Variants in GALNT18 observed in about 807,000 individuals in gnomAD.
The protein encoded by GALNT18 is GalNAc-transferase 18.
In GALNT18, 44 loss-of-function variants were observed where a neutral mutation model predicts 69.5. The observed-to-expected ratio is 0.63, with a 90% CI of 0.50 to 0.81. The LOEUF is 0.81. GALNT18 is among the 40% of genes least tolerant of loss of function. The probability of loss-of-function intolerance (pLI) is 0.00; values close to 1 mark genes in which losing one functional copy is unlikely to be tolerated. For synonymous variants in GALNT18, 364 were observed against 318.2 expected, an observed-to-expected ratio of 1.14 and a Z score of -1.53; for missense variants, 715 against 810.0, an observed-to-expected ratio of 0.88 and a Z score of 1.42.
chr11:11,307,459 G>C (rs934232111), intron 9 of GALNT18, among the ~76,000 whole-genome samples: 23 of 152,128 alleles, frequency 1.5e-4, no homozygotes, highest in African/African-American at 5.3e-4. Context: ...TCCATTTTTA[G>C]ATGAGAAAAA....
rs1223342144 is a variant in GALNT18, at chr11:11,621,427, T to C, written c.167A>G (p.Lys56Arg). 4 of 1,614,024 alleles carry C rather than the reference T, an allele frequency of 2.5e-6. No individual in the cohort carries two copies. The East Asian group carries it at 6.7e-5, about 27-fold the overall frequency. ...PAPDKKLEED[K>R]GDTLKIIERL... ...CTCAATAATCTTCAGAGTGTCCCCT[T>C]TGTCTTCCTCCAGCTTCTTGTCGGG... The change falls in exon 1 of 11, where the codon AAA becomes AGA. Residue 56 changes from lysine (K) to arginine (R), a missense_variant. Physicochemically the swap from Lys to Arg is conservative, Grantham distance 26. Transcript: ENST00000227756. The surrounding 1 kb of genome is among the most constrained non-coding windows in gnomAD (Gnocchi z 9.3).
intron 1 of GALNT18, among the ~76,000 whole-genome samples, chr11:11,566,034 G>A (rs1270115245): frequency 2.0e-5 from 3 of 152,198 alleles, no homozygotes; most frequent in Non-Finnish European, 2.9e-5. Flanking sequence ...GATGGAGCAT[G>A]CAGAACATAG....
intron 1 of GALNT18, among the ~76,000 whole-genome samples, chr11:11,530,931 A>G (rs939784675): frequency 6.6e-6 from 1 of 152,212 alleles, no homozygotes; most frequent in African/African-American, 2.4e-5. Flanking sequence ...AGAGTCTACC[A>G]GAGCCTCTGG....
Position 11,383,155 on chromosome 11 carries a change from C to G in GALNT18, c.596-3891G>C, listed in dbSNP as rs985432403. On this transcript the variant is annotated intron_variant, in intron 3 of 10. Coordinates refer to ENST00000227756, the MANE Select transcript of GALNT18 (RefSeq NM_198516.3). This position sits in a 1 kb window ranked among gnomAD's most constrained non-coding sequence, Gnocchi z 5.2. ...TCACAGGCCACTCTCCACATCCCCA[C>G]GGGGAGCCTCCTCTCCGGGCCTGCT... is the stretch of plus-strand genomic sequence containing the variant. Among the ~76,000 whole-genome samples the G allele has an allele frequency of 6.6e-6, 1 of 152,150 alleles. No individual in the cohort carries two copies. The highest frequency in any genetic ancestry group is 1.5e-5 in the Non-Finnish European group (1 of 68,022).
At chr11:11,575,948 A>G (rs534379858) in intron 1 of GALNT18, among the ~76,000 whole-genome samples, 2 of 152,340 alleles carry the variant, frequency 1.3e-5, no homozygotes, top group African/African-American at 2.4e-5. Context: ...AATAGTCACA[A>G]TCTCACTGCT....
intron 1 of GALNT18, among the ~76,000 whole-genome samples, chr11:11,558,303 G>C (rs1234272867): frequency 6.6e-6 from 1 of 152,176 alleles, no homozygotes; most frequent in East Asian, 1.9e-4. Context: ...TCTTGCAATA[G>C]AGAAAAGGCA....
Position 11,470,442 on chromosome 11 carries a change from C to G in GALNT18, c.236-21506G>C, listed in dbSNP as rs763163886. Among the ~76,000 whole-genome samples the G allele has an allele frequency of 1.3e-5, 2 of 152,176 alleles. No homozygotes were observed. The highest frequency in any genetic ancestry group is 2.4e-5 in the African/African-American group (1 of 41,438). ...ATCCTTCTCCATTTATCTCACTTTC[C>G]CTCTGTCATCAGTGTGTGAGGAAGG... On this transcript the variant is annotated intron_variant, in intron 1 of 10. Coordinates refer to ENST00000227756, the MANE Select transcript of GALNT18 (RefSeq NM_198516.3). This position sits in a 1 kb window ranked among gnomAD's most constrained non-coding sequence, Gnocchi z 4.8.
rs1247805476 is a variant in GALNT18, at chr11:11,339,129, G to A, written c.1278+1690C>T. Among the ~76,000 whole-genome samples, 1 of 152,080 alleles carries A rather than the reference G, an allele frequency of 6.6e-6. No homozygotes were observed. The highest frequency in any genetic ancestry group is 2.4e-5 in the African/African-American group (1 of 41,392). On this transcript the variant is annotated intron_variant, in intron 7 of 10. Transcript: ENST00000227756. The surrounding 1 kb of genome is among the most constrained non-coding windows in gnomAD (Gnocchi z 5.2). ...GAAGGAGAGGACATTTGGACACAGG[G>A]AACAGGAGAGGAAAGAGAATTATTT...
intron 5 of GALNT18, among the ~76,000 whole-genome samples, chr11:11,375,716 T>G (rs537130200): frequency 2.0e-5 from 3 of 152,176 alleles, no homozygotes; most frequent in Non-Finnish European, 4.4e-5. Flanking sequence ...GCGATGATGA[T>G]CAAATGAGCC....
Position 11,595,037 on chromosome 11 carries a change from T to C in GALNT18, c.235+26322A>G, listed in dbSNP as rs1859467314. Among the ~76,000 whole-genome samples, 1 of 150,946 alleles carries C rather than the reference T, an allele frequency of 6.6e-6. No individual in the cohort carries two copies. The highest frequency in any genetic ancestry group is 1.5e-5 in the Non-Finnish European group (1 of 67,864). On this transcript the variant is annotated intron_variant, in intron 1 of 10. Coordinates refer to ENST00000227756, the MANE Select transcript of GALNT18 (RefSeq NM_198516.3). The surrounding 1 kb of genome is among the most constrained non-coding windows in gnomAD (Gnocchi z 5.2). ...TATAAAATCTCCAAGAATGAATATA[T>C]ACATATATATTCATTCCTAGAATTG...
At position 11,583,967 on chromosome 11, in the gene GALNT18, C is replaced by T. The variant is rs1385335015; in HGVS notation, c.235+37392G>A. ...CAAGATGAAAGCACAAGGTCACACTCAATGAAATAGAGATGAACTGAATTC... is the reference window on the plus strand; with the variant it reads ...CAAGATGAAAGCACAAGGTCACACTTAATGAAATAGAGATGAACTGAATTC... On this transcript the variant is annotated intron_variant, in intron 1 of 10. Transcript: ENST00000227756. This position sits in a 1 kb window ranked among gnomAD's most constrained non-coding sequence, Gnocchi z 4.7. 6.6e-6 allele frequency among the ~76,000 whole-genome samples: 1 copy of T among 151,988 alleles called. No individual in the cohort carries two copies. Among genetic ancestry groups the T allele is most frequent in the Non-Finnish European group, 1.5e-5 (1 of 67,986 alleles).
rs140501808 is a variant in GALNT18, at chr11:11,554,404, T to C, written c.235+66955A>G. 3.5e-3 allele frequency among the ~76,000 whole-genome samples: 523 copies of C among 150,984 alleles called. 3 individuals carry two copies. The highest frequency in any genetic ancestry group is 6.1e-3 in the Non-Finnish European group (412 of 67,840). On this transcript the variant is annotated intron_variant, in intron 1 of 10. Coordinates refer to ENST00000227756, the MANE Select transcript of GALNT18 (RefSeq NM_198516.3). Reference sequence around the variant, plus strand: ...CAGGTAGCCTCAGGGACACCTGTAATCTGTCTCCAGCATGTCTTTCAGCAT... The same window carrying C: ...CAGGTAGCCTCAGGGACACCTGTAACCTGTCTCCAGCATGTCTTTCAGCAT...
intron 3 of GALNT18, among the ~76,000 whole-genome samples, chr11:11,409,504 T>G (rs1281979340): frequency 6.6e-6 from 1 of 152,136 alleles, no homozygotes; most frequent in East Asian, 1.9e-4. Flanking sequence ...AGCCTTCCTG[T>G]GCTCAGCCAG....
intron 1 of GALNT18, among the ~76,000 whole-genome samples, chr11:11,453,716 G>C (rs1855859352): frequency 6.6e-6 from 1 of 152,100 alleles, no homozygotes; most frequent in Non-Finnish European, 1.5e-5. Context: ...TTTTATAAAG[G>C]GGAGCTTCCC....
At position 11,617,357 on chromosome 11, in the gene GALNT18, C is replaced by T. The variant is rs144975750; in HGVS notation, c.235+4002G>A. 1.6e-3 allele frequency among the ~76,000 whole-genome samples: 244 copies of T among 152,330 alleles called. 1 individual carries two copies. Among genetic ancestry groups the T allele is most frequent in the African/African-American group, 5.7e-3 (237 of 41,580 alleles). ...ACAAGGACCAAGAGTGCCCATACTC[C>T]TGTAGAGTGTCTCTAGTATACAGTT... is the stretch of plus-strand genomic sequence containing the variant. On this transcript the variant is annotated intron_variant, in intron 1 of 10. Coordinates refer to ENST00000227756, the MANE Select transcript of GALNT18 (RefSeq NM_198516.3). The surrounding 1 kb of genome is among the most constrained non-coding windows in gnomAD (Gnocchi z 4.7).
intron 10 of GALNT18, among the ~76,000 whole-genome samples, chr11:11,287,242 A>G (rs1849211407): frequency 6.6e-6 from 1 of 152,206 alleles, no homozygotes; most frequent in African/African-American, 2.4e-5. Context: ...CATGAATTCA[A>G]ACATATAGAT....
At chr11:11,398,944 G>T (rs1227963316) in intron 3 of GALNT18, among the ~76,000 whole-genome samples, 1 of 152,166 alleles carries the variant, frequency 6.6e-6, no homozygotes, top group East Asian at 1.9e-4. Flanking sequence ...GAGGATAGCA[G>T]GTGCACAGGA....
intron 9 of GALNT18, among the ~76,000 whole-genome samples, chr11:11,304,850 G>A (rs1849553607): frequency 6.6e-6 from 1 of 152,222 alleles, no homozygotes. Context: ...TGGACCTGCA[G>A]CATCCTGGAA....
At chr11:11,501,151 T>C (rs1856965364) in intron 1 of GALNT18, among the ~76,000 whole-genome samples, 1 of 152,262 alleles carries the variant, frequency 6.6e-6, no homozygotes, top group Non-Finnish European at 1.5e-5. Context: ...CAATCCCATA[T>C]TCAGAAGGTA....
Sources: allele counts gnomAD v4.1 joint callset (sites outside exome capture counted in the v4.1 genomes callset), GRCh38; gene constraint gnomAD v4.1.1; non-coding constraint Gnocchi (gnomAD v3.1); transcripts MANE v1.5; gene names NCBI Gene and HGNC (gene_info 2026-07-23, HGNC 2026-07-21).